Variants in AEBP2 observed in about 807,000 individuals in gnomAD.
AEBP2 encodes the protein AE binding protein 2, also known as zinc finger protein AEBP2.
AEBP2 carries 10 observed loss-of-function variants against 50.8 expected under a neutral mutation model. The observed-to-expected ratio is 0.20, with a 90% CI of 0.12 to 0.33. The LOEUF is 0.33. AEBP2 is among the 10% of genes least tolerant of loss of function. The pLI is 1.00. For synonymous variants in AEBP2, 296 were observed against 261.3 expected, an observed-to-expected ratio of 1.13 and a Z score of -1.28; for missense variants, 570 against 688.0, an observed-to-expected ratio of 0.83 and a Z score of 1.92.
intron 1 of AEBP2, among the ~76,000 whole-genome samples, chr12:19,455,480 G>A (rs143922680): frequency 5.3e-4 from 81 of 152,200 alleles, no homozygotes; most frequent in Middle Eastern, 3.4e-3. Context: ...AAGCATCCAT[G>A]TATTGCTTCC....
At chr12:19,456,364 C>T (rs538538613) in intron 1 of AEBP2, 23 of 1,373,160 alleles carry the variant, frequency 1.7e-5, no homozygotes, top group South Asian at 4.7e-5. Flanking sequence ...TGAACAGCAG[C>T]GCGACCCAGA....
At chr12:19,440,751 G>T in intron 1 of AEBP2, 2 of 1,533,504 alleles carry the variant, frequency 1.3e-6, no homozygotes, top group Non-Finnish European at 1.7e-6. Context: ...AACCGTGTTC[G>T]GGAACACTTG....
At chr12:19,464,255 T>C (rs1190312132) in intron 2 of AEBP2, among the ~76,000 whole-genome samples, 1 of 152,352 alleles carries the variant, frequency 6.6e-6, no homozygotes, top group South Asian at 2.1e-4. Context: ...GTGTGAAGTA[T>C]CTTAGCAAGT....
At chr12:19,447,849 G>GT (rs1948100502) in intron 1 of AEBP2, among the ~76,000 whole-genome samples, 1 of 152,116 alleles carries the variant, frequency 6.6e-6, no homozygotes, top group African/African-American at 2.4e-5. Flanking sequence ...AAAAATGAGG[G>GT]TTTTTGACAA....
intron 7 of AEBP2, among the ~76,000 whole-genome samples, chr12:19,517,101 T>C (rs2120638883): frequency 6.6e-6 from 1 of 152,336 alleles, no homozygotes; most frequent in Admixed American, 6.5e-5. Context: ...GAAATCAGAA[T>C]TGAGTGTACT....
chr12:19,473,047 G>A (rs1397767062), intron 2 of AEBP2, among the ~76,000 whole-genome samples: 3 of 151,864 alleles, frequency 2.0e-5, no homozygotes, highest in East Asian at 1.9e-4. Flanking sequence ...ATTCCTTATC[G>A]AAGGTGTGGA....
At chr12:19,457,679 C>G (rs1299300478) in intron 1 of AEBP2, 20 of 1,293,628 alleles carry the variant, frequency 1.5e-5, no homozygotes, top group Non-Finnish European at 4.0e-6. Flanking sequence ...TTCACAACAC[C>G]TGTGTTCTGG....
At chr12:19,463,135 T>C (rs940734689) in intron 2 of AEBP2, among the ~76,000 whole-genome samples, 2 of 152,186 alleles carry the variant, frequency 1.3e-5, no homozygotes, top group African/African-American at 4.8e-5. Context: ...GTGTATGCAA[T>C]TCTATTAAAT....
rs541049214 is a variant in AEBP2, at chr12:19,439,521, G to A, written c.-179G>A. On this transcript the variant is annotated 5_prime_UTR_variant, in exon 1 of 8. Transcript: ENST00000266508. ...TCCGTGTGAGTGCGCGTAGTCGCGC[G>A]CCTGTCCCCGCGCGGGCTCCGTAGC... Among the ~76,000 whole-genome samples the A allele has an allele frequency of 6.6e-6, 1 of 152,076 alleles. No individual in the cohort carries two copies. The highest frequency in any genetic ancestry group is 1.5e-5 in the Non-Finnish European group (1 of 67,974).
intron 1 of AEBP2, among the ~76,000 whole-genome samples, chr12:19,420,774 C>T (rs563232255): frequency 6.6e-6 from 1 of 152,104 alleles, no homozygotes; most frequent in African/African-American, 2.4e-5. Context: ...CTTGATTGAC[C>T]TTCCTGGCAA....
chr12:19,518,551 G>A lies in AEBP2; in HGVS notation c.*434G>A. ...AAAGCACTGTAAGGATATTTGTCTTGACAGTGTTTATTGATTTGAAGTCAT... is the reference window on the plus strand; with the variant it reads ...AAAGCACTGTAAGGATATTTGTCTTAACAGTGTTTATTGATTTGAAGTCAT... On this transcript the variant is annotated 3_prime_UTR_variant, in exon 8 of 8. Transcript: ENST00000266508. 7.6e-7 allele frequency: 1 copy of A among 1,310,188 alleles called. No individual in the cohort carries two copies. Among genetic ancestry groups the A allele is most frequent in the Non-Finnish European group, 9.8e-7 (1 of 1,016,380 alleles). The allele number at this position is 1,310,188 out of a possible 1,614,324, so 81.2% of individuals were successfully genotyped here.
chr12:19,417,462 A>G (rs2153364030), intron 1 of AEBP2, among the ~76,000 whole-genome samples: 1 of 152,158 alleles, frequency 6.6e-6, no homozygotes, highest in South Asian at 2.1e-4. Flanking sequence ...GCTGGAGTGC[A>G]GTCATATGAT....
upstream of AEBP2, among the ~76,000 whole-genome samples, chr12:19,438,630 C>T (rs1301482488): frequency 6.6e-6 from 1 of 152,076 alleles, no homozygotes; most frequent in African/African-American, 2.4e-5. Flanking sequence ...GCTTTATGAT[C>T]ACAGAAAATA....
chr12:19,508,987 T>TA, intron 5 of AEBP2: 1 of 528,414 alleles, frequency 1.9e-6, no homozygotes. Context: ...CCCTTGGTAA[T>TA]AGAGTTGTTT....
At chr12:19,454,084 G>T (rs1592728606) in intron 1 of AEBP2, among the ~76,000 whole-genome samples, 1 of 152,002 alleles carries the variant, frequency 6.6e-6, no homozygotes, top group African/African-American at 2.4e-5. Context: ...TGGAGACGGG[G>T]TCTCGCCATG....
intron 4 of AEBP2, among the ~76,000 whole-genome samples, chr12:19,497,334 T>TG (rs1949000345): frequency 1.4e-5 from 2 of 139,606 alleles, no homozygotes; most frequent in African/African-American, 5.3e-5. Context: ...AGGTGTTTTT[T>TG]TTTTTTTTTT....
intron 1 of AEBP2, among the ~76,000 whole-genome samples, chr12:19,446,887 A>G (rs1020304224): frequency 1.3e-5 from 2 of 152,168 alleles, no homozygotes; most frequent in African/African-American, 2.4e-5. Flanking sequence ...TGATTGTGCC[A>G]CTGTAGTCAA....
chr12:19,519,963 T>A lies in AEBP2; in HGVS notation c.*1846T>A. 1 of 152,534 alleles carries A rather than the reference T, an allele frequency of 6.6e-6. No homozygotes were observed. The highest frequency in any genetic ancestry group is 1.5e-5 in the Non-Finnish European group (1 of 67,976). 9.4% of individuals were successfully genotyped at this position (152,534 alleles called of 1,614,324 possible). A position where few individuals can be genotyped will look rare whatever the true frequency, so the allele number is the denominator to read the frequency against. On this transcript the variant is annotated 3_prime_UTR_variant, in exon 8 of 8. Coordinates refer to ENST00000266508, the MANE Select transcript of AEBP2 (RefSeq NM_153207.5). ...ATTTTATTTTTAAAAAGAAAAGCAG[T>A]GTGTTTTCTTTTTTTGTTGTTTTCT...
chr12:19,435,211 G>C (rs2095753560), upstream of AEBP2, among the ~76,000 whole-genome samples: 1 of 149,794 alleles, frequency 6.7e-6, no homozygotes, highest in Non-Finnish European at 1.5e-5. Flanking sequence ...CTGAAAGCCT[G>C]GACCTCCCTA....
Sources: allele counts gnomAD v4.1 joint callset (sites outside exome capture counted in the v4.1 genomes callset), GRCh38; gene constraint gnomAD v4.1.1; transcripts MANE v1.5; gene names NCBI Gene and HGNC (gene_info 2026-07-23, HGNC 2026-07-21).